UST: variants seen among roughly 807,000 people sequenced by gnomAD.
UST encodes the protein uronyl 2-sulfotransferase.
Under a neutral mutation model 45.6 loss-of-function variants are expected in UST, and 21 were observed. The observed-to-expected ratio is 0.46, with a 90% confidence interval of 0.33 to 0.66. The LOEUF is 0.66. UST is among the 30% of genes least tolerant of loss of function. The probability of loss-of-function intolerance (pLI) is 0.02; values close to 1 mark genes in which losing one functional copy is unlikely to be tolerated. For synonymous variants in UST, 215 were observed against 200.6 expected (o/e 1.07, Z -0.61); for missense variants, 463 against 512.4 (o/e 0.90, Z 0.93).
intron 1 of UST, among the ~76,000 whole-genome samples, chr6:148,774,281 T>C (rs1415451771): frequency 5.7e-4 from 85 of 148,860 alleles, no homozygotes; most frequent in Non-Finnish European, 4.5e-5. Flanking sequence ...TATATATATA[T>C]ATATATATAA....
intron 5 of UST, among the ~76,000 whole-genome samples, chr6:148,982,559 G>A (rs1781160444): frequency 6.6e-6 from 1 of 152,186 alleles, no homozygotes; most frequent in Non-Finnish European, 1.5e-5. Context: ...TGTATCCTCA[G>A]CAAAGTTAAT....
intron 1 of UST, among the ~76,000 whole-genome samples, chr6:148,806,063 G>A (rs1777139140): frequency 6.8e-6 from 1 of 146,422 alleles, no homozygotes; most frequent in South Asian, 2.3e-4. Flanking sequence ...TATACATTTT[G>A]AGAAATCAAA....
intron 2 of UST, among the ~76,000 whole-genome samples, chr6:148,907,766 C>T (rs1304978872): frequency 3.3e-5 from 5 of 152,128 alleles, no homozygotes; most frequent in African/African-American, 7.2e-5. Context: ...AAAGTGCTAA[C>T]GAATTTCATG....
At chr6:148,868,599 T>C (rs1778490813) in intron 1 of UST, among the ~76,000 whole-genome samples, 1 of 152,204 alleles carries the variant, frequency 6.6e-6, no homozygotes, top group Non-Finnish European at 1.5e-5. Flanking sequence ...GAAACCGATC[T>C]ACTAAGTACT....
chr6:148,747,716 C>A, intron 1 of UST, 39 bp downstream of exon 1: 1 of 1,535,688 alleles, frequency 6.5e-7, no homozygotes, highest in Non-Finnish European at 8.7e-7. Context: ...GCGCCGACAG[C>A]GCAAAGTTGT....
chr6:149,073,527 T>C (rs575338169), intron 7 of UST, among the ~76,000 whole-genome samples: 2 of 152,346 alleles, frequency 1.3e-5, no homozygotes, highest in South Asian at 2.1e-4. Context: ...GGAAAATGGA[T>C]AGATTCTGCT....
chr6:148,949,220 G>C (rs112978375), intron 3 of UST, among the ~76,000 whole-genome samples: 3,688 of 151,708 alleles, frequency 0.024, 51 homozygotes, highest in Non-Finnish European at 0.028. Flanking sequence ...GAACCTGGGA[G>C]GGGGAGGTTG....
chr6:149,021,540 C>T (rs1279822505), intron 7 of UST, 59 bp downstream of exon 7: 6 of 1,569,348 alleles, frequency 3.8e-6, no homozygotes, highest in Non-Finnish European at 5.2e-6. Context: ...GGGCTACTCA[C>T]CTTGAAAAGG....
At chr6:148,787,424 T>G (rs973743757) in intron 1 of UST, among the ~76,000 whole-genome samples, 1 of 152,182 alleles carries the variant, frequency 6.6e-6, no homozygotes, top group Non-Finnish European at 1.5e-5. Context: ...CAGGTCTCCC[T>G]GCACCATTTA....
intron 1 of UST, among the ~76,000 whole-genome samples, chr6:148,811,078 T>C (rs948029708): frequency 6.6e-6 from 1 of 152,264 alleles, no homozygotes; most frequent in African/African-American, 2.4e-5. Flanking sequence ...ATAATAATGC[T>C]GTGTAACAAA....
chr6:148,818,448 C>T (rs969525616), intron 1 of UST, among the ~76,000 whole-genome samples: 5 of 152,214 alleles, frequency 3.3e-5, no homozygotes, highest in African/African-American at 1.2e-4. Context: ...TGAGAGAGAA[C>T]TCTGTCCCTA....
Position 148,826,628 on chromosome 6 carries a change from C to CT in UST, c.248-60355dup, listed in dbSNP as rs765827751. ...ATCATTGGCATGGTCTAACTTTCAA[C>CT]TTTATGTACCTGTATTAGTTTTCTA... is the stretch of plus-strand genomic sequence containing the variant. On this transcript the variant is annotated intron_variant, in intron 1 of 7. Transcript: ENST00000367463. 1.6e-4 allele frequency among the ~76,000 whole-genome samples: 24 copies of CT among 152,296 alleles called. No individual in the cohort carries two copies. In the East Asian group the frequency reaches 2.1e-3, roughly 13 times the overall value.
intron 7 of UST, among the ~76,000 whole-genome samples, chr6:149,060,588 G>C (rs1479417761): frequency 6.6e-6 from 1 of 152,194 alleles, no homozygotes; most frequent in Non-Finnish European, 1.5e-5. Flanking sequence ...AGCGGCCAGC[G>C]TGGTGCAGGG....
chr6:148,995,700 G>A (rs548894594), intron 5 of UST, among the ~76,000 whole-genome samples: 8 of 152,168 alleles, frequency 5.3e-5, no homozygotes, highest in Non-Finnish European at 1.0e-4. Context: ...TTTAAGAATT[G>A]AGAGATCTCA....
intron 5 of UST, among the ~76,000 whole-genome samples, chr6:149,015,770 G>C (rs753678891): frequency 1.3e-5 from 2 of 152,286 alleles, no homozygotes; most frequent in Non-Finnish European, 2.9e-5. Context: ...ATAAATCTTA[G>C]ACCAAAGATA....
chr6:148,848,311 TA>T (rs201472121), intron 1 of UST, among the ~76,000 whole-genome samples: 3 of 151,612 alleles, frequency 2.0e-5, no homozygotes, highest in Non-Finnish European at 4.4e-5. Context: ...TCTTGGTTGT[TA>T]AAAAAAAATT....
Position 148,960,162 on chromosome 6 carries a change from G to A in UST, c.528-4248G>A, listed in dbSNP as rs113025259. ...AAATTAGATGGGCATGGTGATGGGC[G>A]CCTGTAATCCCAACTACTTGGGAGA... is the stretch of plus-strand genomic sequence containing the variant. On this transcript the variant is annotated intron_variant, in intron 4 of 7. Transcript: ENST00000367463. Among the ~76,000 whole-genome samples the A allele has an allele frequency of 3.4e-3, 517 of 152,178 alleles. 5 individuals carry two copies. The highest frequency in any genetic ancestry group is 0.012 in the African/African-American group (493 of 41,512).
intron 7 of UST, among the ~76,000 whole-genome samples, chr6:149,052,155 G>C (rs1462435237): frequency 1.3e-5 from 2 of 152,138 alleles, no homozygotes; most frequent in African/African-American, 2.4e-5. Flanking sequence ...GCATCTCAAA[G>C]TCTTGATGTC....
chr6:149,072,671 A>T (rs1776836802), intron 7 of UST, among the ~76,000 whole-genome samples: 1 of 150,110 alleles, frequency 6.7e-6, no homozygotes, highest in Non-Finnish European at 1.5e-5. Context: ...AAAAAAAAGG[A>T]ATGAAGCTCT....
Sources: allele counts gnomAD v4.1 joint callset (sites outside exome capture counted in the v4.1 genomes callset), GRCh38; gene constraint gnomAD v4.1.1; transcripts MANE v1.5; gene names NCBI Gene and HGNC (gene_info 2026-07-23, HGNC 2026-07-21).